Variants in LOC400499 observed in about 807,000 individuals in gnomAD.
At chr16:11,466,264 G>A in the LOC400499 span, among the ~76,000 whole-genome samples, 1 of 152,160 alleles carries the variant, frequency 6.6e-6, no homozygotes, top group Non-Finnish European at 1.5e-5. Context: ...CTATACCAGC[G>A]CCAACCAATA....
chr16:11,418,747 G>T, the LOC400499 span, among the ~76,000 whole-genome samples: 20,649 of 152,202 alleles, frequency 0.14, 1,690 homozygotes, highest in African/African-American at 0.24. Context: ...TGGAGGCATT[G>T]TGGCAGAGAC....
chr16:11,446,658 A>T, the LOC400499 span: 1 of 1,535,400 alleles, frequency 6.5e-7, no homozygotes, highest in Non-Finnish European at 8.7e-7. Context: ...AACCACATAC[A>T]TGTACACACG....
At chr16:11,429,393 G>A in the LOC400499 span, among the ~76,000 whole-genome samples, 2 of 152,312 alleles carry the variant, frequency 1.3e-5, no homozygotes, top group South Asian at 2.1e-4. Flanking sequence ...GTCTCCGGAT[G>A]TGAAAGCATT....
the LOC400499 span, among the ~76,000 whole-genome samples, chr16:11,445,390 C>T: frequency 9.9e-5 from 15 of 151,684 alleles, no homozygotes; most frequent in Admixed American, 8.5e-4. Flanking sequence ...CACTACACTC[C>T]GGCTTGAGCG....
At chr16:11,453,289 G>T in the LOC400499 span, among the ~76,000 whole-genome samples, 1 of 152,062 alleles carries the variant, frequency 6.6e-6, no homozygotes, top group Non-Finnish European at 1.5e-5. Context: ...AAGTCCTCAG[G>T]CAGCTTCTGA....
the LOC400499 span, among the ~76,000 whole-genome samples, chr16:11,448,547 C>T: frequency 5.5e-5 from 8 of 144,308 alleles, no homozygotes; most frequent in Non-Finnish European, 1.0e-4. Flanking sequence ...AACAAACAAA[C>T]AAACAAACAA....
At chr16:11,457,015 G>C in the LOC400499 span, 4 of 1,533,282 alleles carry the variant, frequency 2.6e-6, no homozygotes, top group Non-Finnish European at 3.5e-6. Flanking sequence ...CAATCCACCT[G>C]CCTCTCAGGC....
chr16:11,448,854 G>C, the LOC400499 span: 3 of 1,292,538 alleles, frequency 2.3e-6, no homozygotes, highest in East Asian at 2.6e-5. Context: ...AGCAGGGAGA[G>C]AGGTAGGAAA....
the LOC400499 span, among the ~76,000 whole-genome samples, chr16:11,438,630 A>AAAAG: frequency 7.0e-6 from 1 of 143,062 alleles, no homozygotes; most frequent in African/African-American, 2.5e-5. Context: ...AAAAAAAAAA[A>AAAAG]GTACAAAAAT....
At chr16:11,462,373 G>A in the LOC400499 span, 1 of 1,400,346 alleles carries the variant, frequency 7.1e-7, no homozygotes, top group Non-Finnish European at 9.3e-7. Context: ...CACACGAACT[G>A]GGACCAGACA....
At chr16:11,515,006 G>T in the LOC400499 span, among the ~76,000 whole-genome samples, 90,509 of 151,882 alleles carry the variant, frequency 0.6, 27,461 homozygotes, top group Admixed American at 0.66. Flanking sequence ...GGAGGAGGGC[G>T]TGGGGAAAAG....
At chr16:11,467,495 C>T in the LOC400499 span, among the ~76,000 whole-genome samples, 2 of 151,860 alleles carry the variant, frequency 1.3e-5, no homozygotes, top group Non-Finnish European at 2.9e-5. Context: ...GCCTGTAGTC[C>T]CAGCTACTCG....
the LOC400499 span, chr16:11,384,858 G>GGGGCCAACCCTCCTGGGGCCC: frequency 8.1e-7 from 1 of 1,232,018 alleles, no homozygotes; most frequent in Non-Finnish European, 1.0e-6. Context: ...CGCTGTAGGT[G>GGGGCCAACCCTCCTGGGGCCC]GGGCCAACCC....
the LOC400499 span, among the ~76,000 whole-genome samples, chr16:11,449,956 G>A: frequency 2.6e-5 from 4 of 152,226 alleles, no homozygotes; most frequent in Non-Finnish European, 5.9e-5. Context: ...CCGGCTAGCC[G>A]ACCACACCTT....
At chr16:11,424,467 C>T in the LOC400499 span, 1 of 398,270 alleles carries the variant, frequency 2.5e-6, no homozygotes, top group Non-Finnish European at 4.4e-6. Context: ...CTCTCTAGAG[C>T]ATCCCCTGAG....
the LOC400499 span, chr16:11,493,745 G>C: frequency 1.8e-5 from 7 of 394,980 alleles, no homozygotes; most frequent in East Asian, 7.2e-5. Context: ...GTAGGGGTGA[G>C]AGCCATGGCT....
chr16:11,413,479 GAGA>G, the LOC400499 span, among the ~76,000 whole-genome samples: 4 of 152,166 alleles, frequency 2.6e-5, no homozygotes, highest in African/African-American at 4.8e-5. Flanking sequence ...GTGGCTCTTG[GAGA>G]AGGAGGGCCC....
the LOC400499 span, chr16:11,457,210 G>C: frequency 1.6e-6 from 1 of 607,756 alleles, no homozygotes; most frequent in South Asian, 2.1e-5. Context: ...CGTTGGTAAG[G>C]ATGTGGAGAA....
chr16:11,496,888 ATGTGTGTGTGTGTGTGTGTGTG>A, the LOC400499 span, among the ~76,000 whole-genome samples: 4 of 144,268 alleles, frequency 2.8e-5, no homozygotes, highest in Admixed American at 6.9e-5. Context: ...GTATGCCTCA[ATGTGTGTGTGTGTGTGTGTGTG>A]TGTGTGTGTG....
Sources: allele counts gnomAD v4.1 joint callset (sites outside exome capture counted in the v4.1 genomes callset), GRCh38; gene constraint gnomAD v4.1.1; transcripts MANE v1.5.